Variants in PTPRM observed in about 807,000 individuals in gnomAD.
PTPRM encodes protein tyrosine phosphatase receptor type M.
Under a neutral mutation model 186.7 loss-of-function variants are expected in PTPRM, and 47 were observed. The ratio of observed to expected loss-of-function variants is 0.25; its 90% CI spans 0.20 to 0.32. PTPRM has a LOEUF of 0.32. Among genes scored for constraint, PTPRM ranks in the 10% least tolerant of loss-of-function variants. The pLI is 1.00. For synonymous variants in PTPRM, 668 were observed against 674.9 expected, an observed-to-expected ratio of 0.99 and a Z score of 0.16; for missense variants, 1,494 against 1,865.0, an observed-to-expected ratio of 0.80 and a Z score of 3.66.
intron 23 of PTPRM, among the ~76,000 whole-genome samples, chr18:8,367,658 G>A (rs2095640237): frequency 6.6e-6 from 1 of 152,242 alleles, no homozygotes; most frequent in African/African-American, 2.4e-5. Flanking sequence ...CAGCCCGAGA[G>A]GGCCCAGGGT....
intron 3 of PTPRM, among the ~76,000 whole-genome samples, chr18:7,895,555 C>G (rs1325374669): frequency 6.6e-6 from 1 of 152,170 alleles, no homozygotes; most frequent in African/African-American, 2.4e-5. Context: ...CTTCCCTGGA[C>G]TTGTTTGACT....
intron 7 of PTPRM, among the ~76,000 whole-genome samples, chr18:7,972,251 A>T (rs1215970427): frequency 7.5e-6 from 1 of 133,986 alleles, no homozygotes; most frequent in Non-Finnish European, 1.5e-5. Flanking sequence ...CATAGGTGGG[A>T]ATTGAACAAT....
chr18:8,133,753 G>A (rs2092571370), intron 13 of PTPRM, among the ~76,000 whole-genome samples: 1 of 152,066 alleles, frequency 6.6e-6, no homozygotes, highest in African/African-American at 2.4e-5. Context: ...AAGGGGGTTG[G>A]AGTTAGCTCA....
At chr18:8,068,908 A>G (rs1296337) in intron 7 of PTPRM, among the ~76,000 whole-genome samples, 98,499 of 151,872 alleles carry the variant, frequency 0.65, 32,211 homozygotes, top group African/African-American at 0.72. Flanking sequence ...GACCATCCTG[A>G]CTAACATGGT....
intron 2 of PTPRM, among the ~76,000 whole-genome samples, chr18:7,858,858 C>T (rs1272964141): frequency 1.3e-5 from 2 of 152,146 alleles, no homozygotes; most frequent in Non-Finnish European, 2.9e-5. Context: ...TATCTATAAA[C>T]AAGTCCTCCC....
At chr18:7,919,553 T>C (rs1202763439) in intron 4 of PTPRM, among the ~76,000 whole-genome samples, 1 of 152,200 alleles carries the variant, frequency 6.6e-6, no homozygotes, top group Admixed American at 6.5e-5. Context: ...TTTCTAGTTT[T>C]ATTCCATTGA....
At chr18:8,365,115 T>C (rs1471683608) in intron 23 of PTPRM, 2 of 152,260 alleles carry the variant, frequency 1.3e-5, no homozygotes, top group Admixed American at 1.3e-4. Flanking sequence ...CTACTTTGTT[T>C]CTGTTCCAGA....
Position 7,984,600 on chromosome 18 carries a change from TATACAC to T in PTPRM, c.1132+29188_1132+29193del, listed in dbSNP as rs1398339095. 1.7e-4 allele frequency among the ~76,000 whole-genome samples: 19 copies of T among 110,942 alleles called. No individual in the cohort carries two copies. The East Asian group carries it at 2.3e-3, about 13-fold the overall frequency. 72.8% of individuals were successfully genotyped at this position (110,942 alleles called of 152,430 possible). A position where few individuals can be genotyped will look rare whatever the true frequency, so the allele number is the denominator to read the frequency against. ...ATATATATATATATATATATATATA[TATACAC>T]ACACACACACACACACACACACAAA... On this transcript the variant is annotated intron_variant, in intron 7 of 32. Transcript: ENST00000580170.
chr18:7,654,649 G>C (rs745811110), intron 1 of PTPRM, among the ~76,000 whole-genome samples: 1 of 152,202 alleles, frequency 6.6e-6, no homozygotes, highest in Non-Finnish European at 1.5e-5. Flanking sequence ...AAGGGGTCAA[G>C]TTTCAATCTT....
At chr18:8,221,996 C>T (rs193035012) in intron 14 of PTPRM, among the ~76,000 whole-genome samples, 18 of 152,326 alleles carry the variant, frequency 1.2e-4, no homozygotes, top group Non-Finnish European at 1.9e-4. Context: ...CTTTTTCTGT[C>T]CATAAATTGT....
intron 22 of PTPRM, among the ~76,000 whole-genome samples, chr18:8,330,242 G>GGA (rs1285086914): frequency 7.9e-5 from 12 of 152,270 alleles, no homozygotes; most frequent in African/African-American, 2.9e-4. Flanking sequence ...GCACAGTTTA[G>GGA]GACCAGTTTT....
At chr18:7,842,841 T>TGGAG (rs1555616754) in intron 2 of PTPRM, among the ~76,000 whole-genome samples, 1 of 134,526 alleles carries the variant, frequency 7.4e-6, no homozygotes, top group African/African-American at 2.9e-5. Context: ...TATATATATA[T>TGGAG]AGAGAGAGAG....
intron 2 of PTPRM, among the ~76,000 whole-genome samples, chr18:7,813,542 C>G (rs2044642924): frequency 6.6e-6 from 1 of 152,152 alleles, no homozygotes; most frequent in African/African-American, 2.4e-5. Context: ...ATGTGGACCC[C>G]CTTCCTATTC....
chr18:7,964,722 C>T (rs2053906705), intron 7 of PTPRM, among the ~76,000 whole-genome samples: 1 of 152,028 alleles, frequency 6.6e-6, no homozygotes, highest in South Asian at 2.1e-4. Flanking sequence ...ATACAAGTTG[C>T]AGTTTAAGCA....
chr18:7,880,111 A>T (rs2048429982), intron 2 of PTPRM, among the ~76,000 whole-genome samples: 1 of 151,888 alleles, frequency 6.6e-6, no homozygotes, highest in South Asian at 2.1e-4. Flanking sequence ...GAGGGTAACC[A>T]CCCCCATGAT....
intron 14 of PTPRM, among the ~76,000 whole-genome samples, chr18:8,145,356 G>T (rs193268944): frequency 1.2e-3 from 181 of 152,158 alleles, no homozygotes; most frequent in African/African-American, 4.3e-3. Flanking sequence ...AAGTTCTGAG[G>T]TACATGTGCA....
chr18:8,133,659 T>C (rs1381712656), intron 13 of PTPRM, among the ~76,000 whole-genome samples: 1 of 152,024 alleles, frequency 6.6e-6, no homozygotes, highest in African/African-American at 2.4e-5. Flanking sequence ...GCAAAGGCCT[T>C]GGGAAGGGAA....
At chr18:7,887,357 G>A (rs1284350150) in intron 2 of PTPRM, among the ~76,000 whole-genome samples, 1 of 152,218 alleles carries the variant, frequency 6.6e-6, no homozygotes, top group South Asian at 2.1e-4. Flanking sequence ...CAAAGAGCTC[G>A]TGAGACTTCT....
intron 14 of PTPRM, among the ~76,000 whole-genome samples, chr18:8,218,002 G>T (rs770884839): frequency 6.6e-6 from 1 of 152,066 alleles, no homozygotes; most frequent in Non-Finnish European, 1.5e-5. Flanking sequence ...TTACCCTTCG[G>T]TTCAGTTCTC....
Sources: allele counts gnomAD v4.1 joint callset (sites outside exome capture counted in the v4.1 genomes callset), GRCh38; gene constraint gnomAD v4.1.1; transcripts MANE v1.5; gene names NCBI Gene and HGNC (gene_info 2026-07-23, HGNC 2026-07-21).